The following LRRC4C variants were observed in gnomAD, a reference collection of about 807,000 sequenced individuals.
LRRC4C encodes leucine rich repeat containing 4C, also known as leucine-rich repeat-containing protein 4C.
LRRC4C carries 5 observed loss-of-function variants against 33.6 expected under a neutral mutation model. The observed-to-expected ratio is 0.15, with a 90% CI of 0.08 to 0.31. The LOEUF (loss-of-function observed/expected upper bound fraction) is 0.31, where lower values mean the gene tolerates loss of function less well. Among genes scored for constraint, LRRC4C ranks in the 10% least tolerant of loss-of-function variants. The pLI is 1.00. For missense variants in LRRC4C, 560 were observed against 796.7 expected (o/e 0.70, Z 3.58); for synonymous variants, 329 against 302.0 (o/e 1.09, Z -0.93).
intron 1 of LRRC4C, among the ~76,000 whole-genome samples, chr11:41,170,740 C>A (rs1282241041): frequency 6.6e-6 from 1 of 152,074 alleles, no homozygotes; most frequent in Admixed American, 6.6e-5. Context: ...GCAACAAAAG[C>A]CAAAATTGAC....
intron 1 of LRRC4C, among the ~76,000 whole-genome samples, chr11:41,097,105 A>G (rs1940856662): frequency 6.6e-6 from 1 of 152,200 alleles, no homozygotes; most frequent in African/African-American, 2.4e-5. Flanking sequence ...GTTGCTGAAC[A>G]GAACTTCAGG....
intron 1 of LRRC4C, among the ~76,000 whole-genome samples, chr11:40,945,070 C>T (rs558297895): frequency 1.3e-5 from 2 of 148,502 alleles, no homozygotes; most frequent in East Asian, 2.0e-4. Flanking sequence ...CTTTGTCGCC[C>T]GGGCTGGAGC....
At chr11:40,451,017 AGATG>A in intron 3 of LRRC4C, among the ~76,000 whole-genome samples, 1 of 152,002 alleles carries the variant, frequency 6.6e-6, no homozygotes, top group South Asian at 2.1e-4. Context: ...AATAGTTATT[AGATG>A]GAAGTTAATA....
At chr11:40,208,760 G>C (rs1423316305) in intron 5 of LRRC4C, among the ~76,000 whole-genome samples, 1 of 152,070 alleles carries the variant, frequency 6.6e-6, no homozygotes, top group Non-Finnish European at 1.5e-5. Flanking sequence ...AATCTTTTGA[G>C]ATCTAAAACT....
intron 2 of LRRC4C, among the ~76,000 whole-genome samples, chr11:40,852,651 A>G (rs1953566875): frequency 6.6e-6 from 1 of 152,180 alleles, no homozygotes; most frequent in African/African-American, 2.4e-5. Context: ...CTTAAAGGGA[A>G]TGAAAATAAT....
intron 3 of LRRC4C, among the ~76,000 whole-genome samples, chr11:40,373,648 G>A (rs149813316): frequency 2.0e-5 from 3 of 152,200 alleles, no homozygotes; most frequent in East Asian, 3.9e-4. Flanking sequence ...ATGGTGATTC[G>A]ATCATGGTGG....
intron 1 of LRRC4C, among the ~76,000 whole-genome samples, chr11:41,151,833 G>A (rs1442204451): frequency 1.3e-5 from 2 of 152,174 alleles, no homozygotes; most frequent in African/African-American, 2.4e-5. Flanking sequence ...TATTCTAATA[G>A]CTAAAATTAA....
Position 41,279,544 on chromosome 11 carries a change from T to A in LRRC4C, c.-496+179887A>T, listed in dbSNP as rs556081942. On this transcript the variant is annotated intron_variant, in intron 1 of 6. Coordinates refer to ENST00000528697, the MANE Select transcript of LRRC4C (RefSeq NM_001258419.2). Reference sequence around the variant, plus strand: ...CTAGGTCATCCCTAATGCTAGACTCTGGCTGAGTTCACTCTCCTGTTTAAT... The same window carrying A: ...CTAGGTCATCCCTAATGCTAGACTCAGGCTGAGTTCACTCTCCTGTTTAAT... 7.9e-5 allele frequency among the ~76,000 whole-genome samples: 12 copies of A among 152,250 alleles called. 1 individual carries two copies. The South Asian group carries it at 2.5e-3, about 32-fold the overall frequency.
intron 1 of LRRC4C, among the ~76,000 whole-genome samples, chr11:41,324,276 C>A (rs184242126): frequency 2.0e-5 from 3 of 152,136 alleles, no homozygotes; most frequent in East Asian, 3.9e-4. Context: ...ACTAAAAATA[C>A]AAAATCAGCT....
Position 40,533,788 on chromosome 11 carries a change from A to G in LRRC4C, c.-270+114354T>C, listed in dbSNP as rs1159028627. ...TGATAGGTTCCTGATTGGAAGAAGC[A>G]TAAGTTGAGGAACCAGTAGACTTAA... On this transcript the variant is annotated intron_variant, in intron 3 of 6. Coordinates refer to ENST00000528697, the MANE Select transcript of LRRC4C (RefSeq NM_001258419.2). Among the ~76,000 whole-genome samples the G allele has an allele frequency of 7.2e-5, 11 of 152,286 alleles. No homozygotes were observed. The South Asian group carries it at 1.2e-3, about 17-fold the overall frequency.
At chr11:41,453,553 G>T (rs1416518121) in intron 1 of LRRC4C, among the ~76,000 whole-genome samples, 1 of 152,026 alleles carries the variant, frequency 6.6e-6, no homozygotes, top group Non-Finnish European at 1.5e-5. Context: ...TGGCATAAAA[G>T]AACAGACATG....
At chr11:40,222,499 ATCT>A (rs1320784651) in intron 5 of LRRC4C, among the ~76,000 whole-genome samples, 9 of 152,180 alleles carry the variant, frequency 5.9e-5, no homozygotes, top group Admixed American at 3.9e-4. Context: ...AAGGCATTAA[ATCT>A]TCTTTATAAA....
intron 1 of LRRC4C, among the ~76,000 whole-genome samples, chr11:41,262,950 T>C (rs190855482): frequency 1.6e-3 from 240 of 152,258 alleles, no homozygotes; most frequent in African/African-American, 5.7e-3. Context: ...TCATATCACA[T>C]TATCTTAACA....
At chr11:40,611,778 T>G (rs1442423283) in intron 3 of LRRC4C, among the ~76,000 whole-genome samples, 1 of 151,890 alleles carries the variant, frequency 6.6e-6, no homozygotes, top group Non-Finnish European at 1.5e-5. Context: ...TCGACATCAT[T>G]AATCATCAGA....
At chr11:41,288,822 T>C (rs1385214899) in intron 1 of LRRC4C, among the ~76,000 whole-genome samples, 2 of 152,184 alleles carry the variant, frequency 1.3e-5, no homozygotes, top group Admixed American at 6.5e-5. Flanking sequence ...CATTTACTTA[T>C]AACTGTAGAA....
intron 3 of LRRC4C, among the ~76,000 whole-genome samples, chr11:40,344,958 A>T (rs1431915793): frequency 1.3e-5 from 2 of 152,200 alleles, no homozygotes; most frequent in East Asian, 3.9e-4. Context: ...GAGATAAAAG[A>T]TATCTACAAT....
intron 1 of LRRC4C, among the ~76,000 whole-genome samples, chr11:41,039,023 T>C (rs996261): frequency 0.53 from 79,970 of 151,994 alleles, 21,653 homozygotes; most frequent in East Asian, 0.65. Flanking sequence ...GATATCAAGA[T>C]GGGTATTCCT....
At chr11:40,812,631 C>T (rs1276270780) in intron 2 of LRRC4C, among the ~76,000 whole-genome samples, 1 of 152,026 alleles carries the variant, frequency 6.6e-6, no homozygotes, top group East Asian at 1.9e-4. Context: ...TTGCCCTAAG[C>T]TCTAAGCCAC....
intron 2 of LRRC4C, among the ~76,000 whole-genome samples, chr11:40,767,591 G>A (rs1015206023): frequency 1.3e-4 from 20 of 151,878 alleles, no homozygotes; most frequent in Non-Finnish European, 4.4e-5. Flanking sequence ...CAAGTCTTAG[G>A]AAATTCAGAA....
Sources: gnomAD v4.1 joint callset for allele counts (sites outside exome capture counted in the v4.1 genomes callset) on GRCh38, gnomAD v4.1.1 for gene constraint, MANE v1.5 for transcripts, NCBI Gene and HGNC (gene_info 2026-07-23, HGNC 2026-07-21) for gene names.